The following QRICH1 variants were observed in gnomAD, a reference collection of about 807,000 sequenced individuals.
The protein encoded by QRICH1 is transcriptional regulator QRICH1.
Under a neutral mutation model 87.1 loss-of-function variants are expected in QRICH1, and 16 were observed. The ratio of observed to expected loss-of-function variants is 0.18; its 90% CI spans 0.12 to 0.28. QRICH1 has a LOEUF of 0.28. Ranked by LOEUF, QRICH1 falls within the 10% of genes least tolerant of loss-of-function variation. The probability of loss-of-function intolerance (pLI) is 1.00; values close to 1 mark genes in which losing one functional copy is unlikely to be tolerated. For missense variants in QRICH1, 647 were observed against 951.7 expected (o/e 0.68, Z 4.21); for synonymous variants, 367 against 368.4 (o/e 1.00, Z 0.05).
chr3:49,093,855 G>GC (rs933565767), intron 1 of QRICH1, 57 bp downstream of exon 1: 1 of 377,012 alleles, frequency 2.7e-6, no homozygotes, highest in Admixed American at 4.5e-5. Context: ...TGTGGGGTGG[G>GC]CCCCCCGTCT....
At chr3:49,094,229 C>T, upstream of QRICH1, 4 of 384,786 alleles carry the variant, frequency 1.0e-5, no homozygotes, top group East Asian at 7.4e-5. Context: ...TGGAGCGGCT[C>T]GCTCCGCCCA....
chr3:49,052,378 C>G (rs1193397475), intron 3 of QRICH1, among the ~76,000 whole-genome samples: 2 of 152,082 alleles, frequency 1.3e-5, no homozygotes, highest in African/African-American at 2.4e-5. Flanking sequence ...AAGTAGGCAG[C>G]TGAATATGTG....
At chr3:49,063,279 G>A (rs1276815384) in intron 2 of QRICH1, among the ~76,000 whole-genome samples, 1 of 152,114 alleles carries the variant, frequency 6.6e-6, no homozygotes, top group Non-Finnish European at 1.5e-5. Flanking sequence ...TAGTTTCCAT[G>A]CCAACAGCAG....
At chr3:49,093,109 C>G (rs2042309384) in intron 1 of QRICH1, 1 of 152,200 alleles carries the variant, frequency 6.6e-6, no homozygotes, top group African/African-American at 2.4e-5. Context: ...AGGTACCACT[C>G]AAGGGCCTTC....
rs146537121 is a variant in QRICH1, at chr3:49,033,232, G to A, written c.1787-4C>T. ...ACGTGGCTGGGCAAGACATAGCCTAGGAGGAATAGAGTACTGTCACAACAA... is the reference window on the plus strand; with the variant it reads ...ACGTGGCTGGGCAAGACATAGCCTAAGAGGAATAGAGTACTGTCACAACAA... On this transcript the variant is annotated splice_polypyrimidine_tract_variant and splice_region_variant and intron_variant, in intron 6 of 9. Transcript: ENST00000395443. 13 of 1,531,670 alleles carry A rather than the reference G, an allele frequency of 8.5e-6. No individual in the cohort carries two copies. The highest frequency in any genetic ancestry group is 1.8e-4 in the Middle Eastern group (1 of 5,506). The allele number at this position is 1,531,670 out of a possible 1,614,324, so 94.9% of individuals were successfully genotyped here.
intron 1 of QRICH1, among the ~76,000 whole-genome samples, chr3:49,080,500 A>T (rs1380327197): frequency 6.6e-6 from 1 of 152,086 alleles, no homozygotes; most frequent in Admixed American, 6.6e-5. Context: ...ACAACAAAAA[A>T]TAATTTAAAA....
intron 1 of QRICH1, among the ~76,000 whole-genome samples, chr3:49,081,918 C>T (rs1001163880): frequency 3.3e-5 from 5 of 152,092 alleles, no homozygotes; most frequent in Admixed American, 1.3e-4. Context: ...AGCCATTCTC[C>T]TGCCTCAGTC....
intron 6 of QRICH1, among the ~76,000 whole-genome samples, chr3:49,037,024 TC>T: frequency 7.0e-6 from 1 of 142,502 alleles, no homozygotes; most frequent in Non-Finnish European, 1.5e-5. Context: ...TGAGCCGTGT[TC>T]CCATCACTGC....
At chr3:49,042,929 CAT>C (rs888768355) in intron 6 of QRICH1, among the ~76,000 whole-genome samples, 8 of 152,054 alleles carry the variant, frequency 5.3e-5, no homozygotes, top group Admixed American at 1.3e-4. Context: ...GATGGTGACA[CAT>C]GTCATCATAC....
intron 6 of QRICH1, among the ~76,000 whole-genome samples, chr3:49,038,313 G>A (rs779504596): frequency 4.6e-5 from 7 of 151,900 alleles, no homozygotes; most frequent in South Asian, 2.1e-4. Context: ...CACCCGCTTC[G>A]GCCTCCCAAA....
At chr3:49,041,381 T>C (rs966959534) in intron 6 of QRICH1, among the ~76,000 whole-genome samples, 2 of 151,894 alleles carry the variant, frequency 1.3e-5, no homozygotes, top group South Asian at 4.1e-4. Flanking sequence ...TTGGTGGAGA[T>C]AGGATCTCAC....
intron 1 of QRICH1, among the ~76,000 whole-genome samples, chr3:49,090,225 C>G (rs573279116): frequency 6.6e-6 from 1 of 152,128 alleles, no homozygotes; most frequent in East Asian, 1.9e-4. Flanking sequence ...TGTGGGAGGC[C>G]GAGGCGGGCG....
rs758439670 is a variant in QRICH1 at position 49,032,746 on chromosome 3, C to G, written c.1923G>C (p.Gln641His). ...CCTTGGAGAAGGCCAGCTTCATGTG[C>G]TGGTCCACTGTCTTCAATAGGAAGT... ...TKYFLLKTVDQHMKLAFSKVL... is the reference protein window; with the variant it reads ...TKYFLLKTVDHHMKLAFSKVL... Residue 641 changes from glutamine (Q) to histidine (H), a missense_variant, in exon 8 of 10, where the codon CAG (glutamine) becomes CAC (histidine). Transcript: ENST00000395443. The G allele has an allele frequency of 6.2e-7, 1 of 1,608,012 alleles. No homozygotes were observed. The highest frequency in any genetic ancestry group is 2.2e-5 in the East Asian group (1 of 44,684).
chr3:49,032,923 C>T (rs1454216924), intron 7 of QRICH1, 150 bp from the exon 8 acceptor site: 2 of 1,055,084 alleles, frequency 1.9e-6, no homozygotes, highest in Non-Finnish European at 1.3e-6. Flanking sequence ...GTGCAGGAAC[C>T]ACATCAAGAT....
chr3:49,061,110 G>A (rs2093431969), intron 2 of QRICH1, among the ~76,000 whole-genome samples: 2 of 138,634 alleles, frequency 1.4e-5, no homozygotes, highest in Non-Finnish European at 3.0e-5. Context: ...ATCACAGCCT[G>A]GGTGACAGAG....
intron 1 of QRICH1, among the ~76,000 whole-genome samples, chr3:49,089,704 A>C (rs1017359545): frequency 2.0e-5 from 3 of 152,356 alleles, no homozygotes; most frequent in African/African-American, 4.8e-5. Flanking sequence ...TTTCAGAAAC[A>C]TTATGCTAAG....
intron 2 of QRICH1, among the ~76,000 whole-genome samples, chr3:49,058,617 C>T (rs992373792): frequency 6.6e-5 from 10 of 151,974 alleles, no homozygotes; most frequent in African/African-American, 1.9e-4. Context: ...TGAGCCGAAA[C>T]GGCCGGCATT....
chr3:49,062,548 ACAGGGTTTCACCATGTTAGC>A (rs2093441594), intron 2 of QRICH1, among the ~76,000 whole-genome samples: 1 of 151,430 alleles, frequency 6.6e-6, no homozygotes, highest in African/African-American at 2.4e-5. Context: ...TTTAGCACAG[ACAGGGTTTCACCATGTTAGC>A]CAGGCTGGTC....
chr3:49,041,339 A>G (rs1033796590), intron 6 of QRICH1, among the ~76,000 whole-genome samples: 3 of 149,206 alleles, frequency 2.0e-5, no homozygotes, highest in Non-Finnish European at 4.5e-5. Context: ...GATATTTAAT[A>G]TGTGTGTGTG....
Sources: gnomAD v4.1 joint callset for allele counts (sites outside exome capture counted in the v4.1 genomes callset) on GRCh38, gnomAD v4.1.1 for gene constraint, MANE v1.5 for transcripts, NCBI Gene and HGNC (gene_info 2026-07-23, HGNC 2026-07-21) for gene names.